The following NFIA variants were observed in gnomAD, a reference collection of about 807,000 sequenced individuals.
NFIA encodes the protein nuclear factor 1 A-type.
NFIA carries 8 observed loss-of-function variants against 62.8 expected under a neutral mutation model. The ratio of observed to expected loss-of-function variants is 0.13; its 90% CI spans 0.07 to 0.23. NFIA has a LOEUF of 0.23. Ranked by LOEUF, NFIA falls within the 10% of genes least tolerant of loss-of-function variation. The pLI is 1.00. For missense variants in NFIA, 410 were observed against 642.1 expected, an observed-to-expected ratio of 0.64 and a Z score of 3.91; for synonymous variants, 235 against 238.1, an observed-to-expected ratio of 0.99 and a Z score of 0.12.
At chr1:61,451,215 G>A (rs181578089) in intron 10 of NFIA, among the ~76,000 whole-genome samples, 15 of 152,292 alleles carry the variant, frequency 9.8e-5, no homozygotes, top group Admixed American at 2.0e-4. Context: ...GAATCCCAGC[G>A]GAATGGGATT....
At chr1:61,096,939 A>G (rs1376676194) in intron 2 of NFIA, among the ~76,000 whole-genome samples, 1 of 152,172 alleles carries the variant, frequency 6.6e-6, no homozygotes, top group Non-Finnish European at 1.5e-5. Flanking sequence ...AAGATGACCA[A>G]TAAGTATAAT....
intron 2 of NFIA, among the ~76,000 whole-genome samples, chr1:61,089,695 C>CCTTTTTTT (rs1646283353): frequency 9.3e-6 from 1 of 107,748 alleles, no homozygotes; most frequent in Non-Finnish European, 2.0e-5. Context: ...GTTTTTTTTT[C>CCTTTTTTT]TTTTTTTTTT....
chr1:61,271,498 G>C (rs927352448), intron 2 of NFIA, among the ~76,000 whole-genome samples: 2 of 152,226 alleles, frequency 1.3e-5, no homozygotes, highest in African/African-American at 4.8e-5. Context: ...TTATGTAACA[G>C]TCTTAAGTAG....
At chr1:61,081,172 G>A (rs556028402), upstream of NFIA, among the ~76,000 whole-genome samples, 265 of 152,092 alleles carry the variant, frequency 1.7e-3, 1 homozygote, top group Non-Finnish European at 4.1e-4. Flanking sequence ...AGGAAGAGAA[G>A]TAAAATAAGG....
At chr1:61,115,497 G>A (rs986029763) in intron 2 of NFIA, among the ~76,000 whole-genome samples, 1 of 152,250 alleles carries the variant, frequency 6.6e-6, no homozygotes, top group Non-Finnish European at 1.5e-5. Flanking sequence ...GAGAGAATGA[G>A]GATGGCTTCT....
intron 2 of NFIA, among the ~76,000 whole-genome samples, chr1:61,192,533 C>T (rs936045694): frequency 7.3e-6 from 1 of 137,476 alleles, no homozygotes; most frequent in African/African-American, 3.0e-5. Context: ...AACCCCATGA[C>T]TACTAAAAAT....
intron 3 of NFIA, among the ~76,000 whole-genome samples, chr1:61,280,320 GA>G (rs1658055534): frequency 6.6e-6 from 1 of 152,036 alleles, no homozygotes; most frequent in African/African-American, 2.4e-5. Context: ...TTTTTGTTTT[GA>G]AAGAGGGAAC....
chr1:61,251,033 A>T (rs901461389), intron 2 of NFIA: 6 of 152,196 alleles, frequency 3.9e-5, no homozygotes, highest in Non-Finnish European at 8.8e-5. Flanking sequence ...CTTTTGTCCC[A>T]TCCCTCTGTG....
chr1:61,169,270 G>T (rs969646823), intron 2 of NFIA, among the ~76,000 whole-genome samples: 1 of 152,110 alleles, frequency 6.6e-6, no homozygotes, highest in Non-Finnish European at 1.5e-5. Context: ...CAGAAGAGAG[G>T]ATTCTAAATA....
intron 3 of NFIA, among the ~76,000 whole-genome samples, chr1:61,322,053 T>C (rs1327376343): frequency 6.6e-6 from 1 of 152,208 alleles, no homozygotes; most frequent in Non-Finnish European, 1.5e-5. Flanking sequence ...ATTCATTATA[T>C]AAAGAGTGGT....
chr1:61,434,213 A>C (rs1236434648), intron 10 of NFIA, among the ~76,000 whole-genome samples: 2 of 152,106 alleles, frequency 1.3e-5, no homozygotes, highest in African/African-American at 2.4e-5. Flanking sequence ...TCAGAATCTA[A>C]AGGGAAAGGA....
intron 2 of NFIA, among the ~76,000 whole-genome samples, chr1:61,096,112 AT>A (rs1303419942): frequency 6.6e-6 from 1 of 152,192 alleles, no homozygotes; most frequent in Admixed American, 6.5e-5. Flanking sequence ...AAAGAATGGA[AT>A]TTTATTAGTT....
At position 61,444,086 on chromosome 1, in the gene NFIA, A is replaced by C. The variant is rs532679253; in HGVS notation, c.1513-11217A>C. 3.4e-4 allele frequency among the ~76,000 whole-genome samples: 52 copies of C among 152,350 alleles called. 1 individual carries two copies. The highest frequency in any genetic ancestry group is 6.3e-4 in the Non-Finnish European group (43 of 68,028). On this transcript the variant is annotated intron_variant, in intron 10 of 10. Transcript: ENST00000403491. Reference sequence around the variant, plus strand: ...TTCATAACTTAATCTTCAAGGCAGAAAAACCATTTAAGCAAACCCTTGTTT... The same window carrying C: ...TTCATAACTTAATCTTCAAGGCAGACAAACCATTTAAGCAAACCCTTGTTT...
intron 2 of NFIA, among the ~76,000 whole-genome samples, chr1:61,202,356 T>A (rs1652562305): frequency 6.6e-6 from 1 of 152,192 alleles, no homozygotes; most frequent in Non-Finnish European, 1.5e-5. Flanking sequence ...GGAAGTCTTG[T>A]ATATATAAGA....
chr1:61,352,338 G>A (rs564943423), intron 4 of NFIA, 112 bp from the exon 5 acceptor site: 34 of 708,550 alleles, frequency 4.8e-5, no homozygotes, highest in Non-Finnish European at 6.6e-5. Flanking sequence ...TTTTCGATTC[G>A]CTTACATATA....
At chr1:61,084,215 A>T (rs1646177669) in intron 1 of NFIA, among the ~76,000 whole-genome samples, 1 of 152,200 alleles carries the variant, frequency 6.6e-6, no homozygotes, top group Non-Finnish European at 1.5e-5. Context: ...CTGGAAGGCT[A>T]AAAAGTATCA....
At chr1:61,201,752 G>A (rs765159131) in intron 2 of NFIA, among the ~76,000 whole-genome samples, 6 of 152,106 alleles carry the variant, frequency 3.9e-5, no homozygotes, top group Non-Finnish European at 5.9e-5. Context: ...CTCCTTTCAC[G>A]AGAGCATTTT....
At chr1:61,389,119 CA>C (rs977388584) in intron 7 of NFIA, among the ~76,000 whole-genome samples, 2 of 151,744 alleles carry the variant, frequency 1.3e-5, no homozygotes, top group Admixed American at 6.6e-5. Context: ...ACAACAACAA[CA>C]AAAAAAAGCA....
upstream of NFIA, chr1:61,077,538 AT>A: frequency 8.7e-7 from 1 of 1,154,848 alleles, no homozygotes; most frequent in Non-Finnish European, 1.1e-6. Context: ...TTATTTAGAT[AT>A]TTTTTAAATG....
Sources: gnomAD v4.1 joint callset for allele counts (sites outside exome capture counted in the v4.1 genomes callset) on GRCh38, gnomAD v4.1.1 for gene constraint, MANE v1.5 for transcripts, NCBI Gene and HGNC (gene_info 2026-07-23, HGNC 2026-07-21) for gene names.